Variants in NPAS1 observed in about 807,000 individuals in gnomAD.
The protein encoded by NPAS1 is neuronal PAS domain protein 1, also known as neuronal PAS domain-containing protein 1.
A neutral mutation model predicts 49.2 loss-of-function variants in NPAS1; 29 were observed. That is an observed-to-expected ratio of 0.59 (90% CI 0.44 to 0.80). The LOEUF is 0.80. Ranked by LOEUF, NPAS1 falls within the 30% of genes least tolerant of loss-of-function variation. NPAS1 has a pLI of 0.00. For synonymous variants in NPAS1, 408 were observed against 380.4 expected, an observed-to-expected ratio of 1.07 and a Z score of -0.84; for missense variants, 825 against 835.5, an observed-to-expected ratio of 0.99 and a Z score of 0.15.
At position 47,025,106 on chromosome 19, in the gene NPAS1, T is replaced by C. The variant is rs1406165027; in HGVS notation, c.358+3259T>C. On this transcript the variant is annotated intron_variant, in intron 3 of 11. Transcript: ENST00000602212. ...GCGCCGTGCCCGGCTTTTACAGCCT[T>C]CTTTCTTCCCATAGCACTTATTGTC... 1.5e-5 allele frequency among the ~76,000 whole-genome samples: 2 copies of C among 135,380 alleles called. 1 individual carries two copies. The highest frequency in any genetic ancestry group is 3.3e-5 in the Non-Finnish European group (2 of 59,950). 88.8% of individuals were successfully genotyped at this position (135,380 alleles called of 152,430 possible). A position where few individuals can be genotyped will look rare whatever the true frequency, so the allele number is the denominator to read the frequency against.
chr19:47,023,594 A>G (rs549082307), intron 3 of NPAS1, among the ~76,000 whole-genome samples: 80 of 152,266 alleles, frequency 5.3e-4, no homozygotes, highest in African/African-American at 1.9e-3. Context: ...ACAGCATTTT[A>G]GCTGAAGCCA....
At position 47,021,088 on chromosome 19, in the gene NPAS1, T is replaced by C. The variant is rs766684572; in HGVS notation, c.41T>C (p.Val14Ala). ...CCCGGCAGTGGCGGCGGAAGCGAGG[T>C]CAAATGCGTGGGAGGCCGCGGCGCC... ...PYPGSGGGSE[V>A]KCVGGRGASV... is the part of the protein sequence containing the mutation. Residue 14 changes from valine (V) to alanine (A), a missense_variant, in exon 2 of 12, where the codon GTC (valine) becomes GCC (alanine). Val to Ala is a moderately conservative substitution (Grantham distance 64, BLOSUM62 0). Transcript: ENST00000602212. The surrounding 1 kb of genome is among the most constrained non-coding windows in gnomAD (Gnocchi z 5.7). The C allele has an allele frequency of 6.9e-6, 11 of 1,600,056 alleles. No individual in the cohort carries two copies. The South Asian group carries it at 1.0e-4, about 15-fold the overall frequency.
chr19:47,035,137 C>T (rs1409251640), intron 5 of NPAS1, among the ~76,000 whole-genome samples: 1 of 151,174 alleles, frequency 6.6e-6, no homozygotes, highest in Non-Finnish European at 1.5e-5. Context: ...GCCGAGATCG[C>T]GCCATTGCAC....
intron 5 of NPAS1, 31 bp from the exon 6 acceptor site, chr19:47,035,933 C>G: frequency 6.7e-7 from 1 of 1,489,354 alleles, no homozygotes. Flanking sequence ...GCACCTCACC[C>G]GCCCCCTGCA....
rs749190831 is a variant in NPAS1, at chr19:47,032,249, A to G, written c.359-29A>G. 3.7e-6 allele frequency: 6 copies of G among 1,607,108 alleles called. No homozygotes were observed. In the East Asian group the frequency reaches 8.9e-5, roughly 24 times the overall value. On this transcript the variant is annotated intron_variant, in intron 3 of 11. Transcript: ENST00000602212. ...TGCCCTGGGCAGGGTCAGCCAGACTAACAGGCTTCATCCTTCCATCTGCCC... is the reference window on the plus strand; with the variant it reads ...TGCCCTGGGCAGGGTCAGCCAGACTGACAGGCTTCATCCTTCCATCTGCCC...
At chr19:47,043,476 A>C (rs2057043510) in intron 11 of NPAS1, among the ~76,000 whole-genome samples, 2 of 150,330 alleles carry the variant, frequency 1.3e-5, no homozygotes, top group South Asian at 4.2e-4. Context: ...TGTAATCCCA[A>C]CTACTCGGGA....
chr19:47,043,298 T>C (rs1000201627), intron 11 of NPAS1, among the ~76,000 whole-genome samples: 1 of 33,494 alleles, frequency 3.0e-5, no homozygotes, highest in Admixed American at 2.7e-4. Flanking sequence ...AAAAAAAAAA[T>C]TTAAATCCAG....
At chr19:47,042,247 T>G (rs1284684288) in intron 10 of NPAS1, among the ~76,000 whole-genome samples, 1 of 151,930 alleles carries the variant, frequency 6.6e-6, no homozygotes, top group Non-Finnish European at 1.5e-5. Flanking sequence ...AGGTGGAGGT[T>G]GCAGTGAGCC....
At position 47,032,203 on chromosome 19, in the gene NPAS1, T is replaced by C. The variant is rs556799604; in HGVS notation, c.359-75T>C. On this transcript the variant is annotated intron_variant, in intron 3 of 11. Transcript: ENST00000602212. ...CCTTAGGGGAAGAGAGGGAGGTTTG[T>C]AGACTGGCTCCCGGGGGACCTGCCC... is the stretch of plus-strand genomic sequence containing the variant. 3.7e-5 allele frequency: 51 copies of C among 1,379,736 alleles called. No individual in the cohort carries two copies. The Admixed American group carries it at 6.7e-4, about 18-fold the overall frequency. 85.5% of individuals were successfully genotyped at this position (1,379,736 alleles called of 1,614,324 possible).
chr19:47,032,643 T>G lies in NPAS1; in HGVS notation c.433T>G (p.Ser145Ala). The G allele has an allele frequency of 1.2e-6, 2 of 1,613,862 alleles. No homozygotes were observed. Among genetic ancestry groups the G allele is most frequent in the Middle Eastern group, 3.3e-4 (2 of 6,062 alleles). ...EQHLGGHILQ[S>A]LDGFVFALNQ... ...CCCTCCCTGTCTCTCCCGGCTCTAG[T>G]CCCTGGATGGCTTTGTGTTCGCCTT... The change falls in exon 5 of 12, where the codon TCC becomes GCC. Residue 145 changes from serine to alanine, a missense_variant and splice_region_variant. Coordinates refer to ENST00000602212, the MANE Select transcript of NPAS1 (RefSeq NM_002517.4).
At chr19:47,039,335 C>T (rs1599916848) in intron 7 of NPAS1, 72 bp from the exon 8 acceptor site, 2 of 1,589,332 alleles carry the variant, frequency 1.3e-6, no homozygotes, top group East Asian at 4.5e-5. Context: ...AGAGGGAACC[C>T]AGCCCAGTGA....
At position 47,041,979 on chromosome 19, in the gene NPAS1, CA is replaced by C. The variant is rs369320245; in HGVS notation, c.1218-803del. Among the ~76,000 whole-genome samples the C allele has an allele frequency of 7.6e-3, 730 of 96,044 alleles. 6 individuals carry two copies. The highest frequency in any genetic ancestry group is 0.028 in the African/African-American group (581 of 20,496). The allele number at this position is 96,044 out of a possible 152,430, so 63.0% of individuals were successfully genotyped here. A position where few individuals can be genotyped will look rare whatever the true frequency, so the allele number is the denominator to read the frequency against. On this transcript the variant is annotated intron_variant, in intron 10 of 11. Transcript: ENST00000602212. Reference sequence around the variant, plus strand: ...TGGGCGACAGAGTGAGACCCTGTCTCAAAAAAAAAAAAAAAAAAAAAAAAAA... The same window carrying C: ...TGGGCGACAGAGTGAGACCCTGTCTCAAAAAAAAAAAAAAAAAAAAAAAAA...
Position 47,021,569 on chromosome 19 carries a change from G to A in NPAS1, c.123-43G>A. ...TCGCCCCCAGTTCCCAAGCCCCTGAGCCCCGGGGCCCCGCCGACACCTCCT... is the reference window on the plus strand; with the variant it reads ...TCGCCCCCAGTTCCCAAGCCCCTGAACCCCGGGGCCCCGCCGACACCTCCT... On this transcript the variant is annotated intron_variant, in intron 2 of 11. Transcript: ENST00000602212. The surrounding 1 kb of genome is among the most constrained non-coding windows in gnomAD (Gnocchi z 5.7). 7.4e-7 allele frequency: 1 copy of A among 1,351,072 alleles called. No homozygotes were observed. The highest frequency in any genetic ancestry group is 9.7e-7 in the Non-Finnish European group (1 of 1,028,278). The allele number at this position is 1,351,072 out of a possible 1,614,324, so 83.7% of individuals were successfully genotyped here.
Position 47,039,575 on chromosome 19 carries a change from TG to T in NPAS1, c.962+16del. Reference sequence around the variant, plus strand: ...TGCTTGTGAGAGCAGGTACCGGGGTTGGGGGCTGTGGCGGGTGGATTGGGGG... The same window carrying T: ...TGCTTGTGAGAGCAGGTACCGGGGTTGGGGCTGTGGCGGGTGGATTGGGGG... On this transcript the variant is annotated intron_variant, in intron 8 of 11. Coordinates refer to ENST00000602212, the MANE Select transcript of NPAS1 (RefSeq NM_002517.4). 6.5e-7 allele frequency: 1 copy of T among 1,544,988 alleles called. No individual in the cohort carries two copies. The highest frequency in any genetic ancestry group is 8.7e-7 in the Non-Finnish European group (1 of 1,142,956).
At position 47,045,252 on chromosome 19, in the gene NPAS1, C is replaced by T; in HGVS notation, c.1374C>T (p.Thr458=). Residue 458 remains threonine, a synonymous_variant, in exon 12 of 12, where the codon ACC becomes ACT. Transcript: ENST00000602212. ...CAGCGGAGAACGAGGCCCCCCAGAC[C>T]CAGGGCAAACGCATCAAAGTGGAGC... ...AAPAENEAPQ[T]QGKRIKVEPG... is the part of the protein sequence containing the mutation. 1 of 1,613,996 alleles carries T rather than the reference C, an allele frequency of 6.2e-7. No homozygotes were observed. Among genetic ancestry groups the T allele is most frequent in the Non-Finnish European group, 8.5e-7 (1 of 1,179,994 alleles).
intron 8 of NPAS1, among the ~76,000 whole-genome samples, chr19:47,040,141 G>C (rs1228570520): frequency 6.6e-6 from 1 of 152,118 alleles, no homozygotes; most frequent in African/African-American, 2.4e-5. Context: ...TCTTGCCTCA[G>C]CCTCTCAAGT....
Position 47,045,079 on chromosome 19 carries a change from C to T in NPAS1, c.1313-112C>T, listed in dbSNP as rs995140154. The stretch of plus-strand genomic sequence containing the variant: ...AAACAAACAAACAAAAAAAAAAACC[C>T]CACTCCCAGCTGAGAACTACAGGTC... On this transcript the variant is annotated intron_variant, in intron 11 of 11. Transcript: ENST00000602212. 3 of 992,992 alleles carry T rather than the reference C, an allele frequency of 3.0e-6. No individual in the cohort carries two copies. The African/African-American group carries it at 5.1e-5, about 17-fold the overall frequency. The allele number at this position is 992,992 out of a possible 1,614,324, so 61.5% of individuals were successfully genotyped here. A position where few individuals can be genotyped will look rare whatever the true frequency, so the allele number is the denominator to read the frequency against.
In NPAS1 at chr19:47,021,966, C is replaced by A. The variant is rs1314314687; in HGVS notation, c.358+119C>A. On this transcript the variant is annotated intron_variant, in intron 3 of 11. Coordinates refer to ENST00000602212, the MANE Select transcript of NPAS1 (RefSeq NM_002517.4). This position sits in a 1 kb window ranked among gnomAD's most constrained non-coding sequence, Gnocchi z 5.7. ...GCTTGTCTCTGGAGTCAGCCAGGAC[C>A]TTTGCGTGTCCCTATCAGGTGGCTT... 1.0e-5 allele frequency: 6 copies of A among 602,592 alleles called. No individual in the cohort carries two copies. The highest frequency in any genetic ancestry group is 6.7e-5 in the East Asian group (2 of 29,718). 37.3% of individuals were successfully genotyped at this position (602,592 alleles called of 1,614,324 possible).
chr19:47,023,283 G>GC (rs2056853059), intron 3 of NPAS1, among the ~76,000 whole-genome samples: 1 of 152,084 alleles, frequency 6.6e-6, no homozygotes, highest in Non-Finnish European at 1.5e-5. Context: ...GAAAGGGGGG[G>GC]CTAAGAGAGC....
Sources: gnomAD v4.1 joint callset for allele counts (sites outside exome capture counted in the v4.1 genomes callset) on GRCh38, gnomAD v4.1.1 for gene constraint, Gnocchi (gnomAD v3.1) non-coding constraint, MANE v1.5 for transcripts, NCBI Gene and HGNC (gene_info 2026-07-23, HGNC 2026-07-21) for gene names.